The following CNTNAP2 variants were observed in gnomAD, a reference collection of about 807,000 sequenced individuals.
The protein encoded by CNTNAP2 is contactin-associated protein-like 2.
In CNTNAP2, 98 loss-of-function variants were observed where a neutral mutation model predicts 155.2. The ratio of observed to expected loss-of-function variants is 0.63; its 90% CI spans 0.54 to 0.75. The LOEUF (loss-of-function observed/expected upper bound fraction) is 0.75. CNTNAP2 is among the 30% of genes least tolerant of loss of function. CNTNAP2 has a pLI of 0.00. For synonymous variants in CNTNAP2, 651 were observed against 631.2 expected, an observed-to-expected ratio of 1.03 and a Z score of -0.47; for missense variants, 1,727 against 1,688.1, an observed-to-expected ratio of 1.02 and a Z score of -0.40.
intron 1 of CNTNAP2, among the ~76,000 whole-genome samples, chr7:146,353,628 A>G (rs1794954586): frequency 6.6e-6 from 1 of 152,140 alleles, no homozygotes; most frequent in Non-Finnish European, 1.5e-5. Flanking sequence ...CAAATCTACT[A>G]AGGTAGTTTG....
chr7:148,389,870 A>AT (rs1799307382), intron 22 of CNTNAP2: 1 of 152,012 alleles, frequency 6.6e-6, no homozygotes, highest in Non-Finnish European at 1.5e-5. Context: ...CTTCATGGTT[A>AT]TTTTTTAAAA....
chr7:146,540,875 A>G (rs567445921), intron 1 of CNTNAP2, among the ~76,000 whole-genome samples: 14 of 152,132 alleles, frequency 9.2e-5, no homozygotes, highest in Middle Eastern at 3.4e-3. Context: ...TGCATATCCT[A>G]TTGGTGAATA....
chr7:146,645,193 C>G (rs1799790047), intron 1 of CNTNAP2, among the ~76,000 whole-genome samples: 1 of 152,170 alleles, frequency 6.6e-6, no homozygotes, highest in Non-Finnish European at 1.5e-5. Flanking sequence ...ATTTGCTCTT[C>G]TATCTCATTT....
chr7:146,913,272 T>C (rs1236752948), intron 3 of CNTNAP2, among the ~76,000 whole-genome samples: 1 of 152,116 alleles, frequency 6.6e-6, no homozygotes, highest in East Asian at 1.9e-4. Flanking sequence ...GCTGCGAATA[T>C]GGAAAGAGGA....
intron 21 of CNTNAP2, among the ~76,000 whole-genome samples, chr7:148,331,805 G>GATGGAA (rs1182206243): frequency 4.6e-5 from 7 of 152,008 alleles, no homozygotes; most frequent in Admixed American, 1.3e-4. Context: ...GGATAGAATG[G>GATGGAA]CCTCCTCTTT....
chr7:147,347,486 ATATATGCATATATATG>A (rs1795896963), intron 9 of CNTNAP2, among the ~76,000 whole-genome samples: 1 of 78,336 alleles, frequency 1.3e-5, no homozygotes, highest in Non-Finnish European at 3.2e-5. Flanking sequence ...GCATATATAT[ATATATGCATATATATG>A]TGTGTGTGTG....
At chr7:147,064,007 A>G (rs1357972285) in intron 4 of CNTNAP2, among the ~76,000 whole-genome samples, 1 of 152,170 alleles carries the variant, frequency 6.6e-6, no homozygotes, top group Non-Finnish European at 1.5e-5. Flanking sequence ...ATGGAAAGAA[A>G]TAGGGACAAC....
chr7:147,939,512 A>G (rs1414715740), intron 14 of CNTNAP2, among the ~76,000 whole-genome samples: 4 of 152,032 alleles, frequency 2.6e-5, no homozygotes, highest in Admixed American at 6.6e-5. Flanking sequence ...TATTTTTAGT[A>G]GAGATGGGGT....
At chr7:147,254,128 C>A (rs759794497) in intron 8 of CNTNAP2, among the ~76,000 whole-genome samples, 3 of 152,082 alleles carry the variant, frequency 2.0e-5, no homozygotes, top group Admixed American at 6.5e-5. Flanking sequence ...CTCCACAGGG[C>A]CTGTCTGTGA....
chr7:146,775,927 C>T (rs1802382643), intron 2 of CNTNAP2, among the ~76,000 whole-genome samples: 1 of 151,966 alleles, frequency 6.6e-6, no homozygotes, highest in Non-Finnish European at 1.5e-5. Context: ...TATAAATTAG[C>T]TCATTTTTAT....
chr7:146,350,438 T>C (rs1449442099), intron 1 of CNTNAP2, among the ~76,000 whole-genome samples: 1 of 152,154 alleles, frequency 6.6e-6, no homozygotes, highest in African/African-American at 2.4e-5. Context: ...ATGCTCATCA[T>C]CACTGTCCAT....
At chr7:148,243,870 G>A (rs771055677) in intron 20 of CNTNAP2, among the ~76,000 whole-genome samples, 1 of 152,132 alleles carries the variant, frequency 6.6e-6, no homozygotes, top group Admixed American at 6.5e-5. Context: ...GGGGACTGTA[G>A]ACTGAGGCCT....
rs547398704 is a variant in CNTNAP2, at chr7:146,382,643, G to A, written c.97+265670G>A. Among the ~76,000 whole-genome samples the A allele has an allele frequency of 5.3e-5, 8 of 152,152 alleles. No individual in the cohort carries two copies. The South Asian group carries it at 1.7e-3, about 32-fold the overall frequency. On this transcript the variant is annotated intron_variant, in intron 1 of 23. Transcript: ENST00000361727. ...CATTTAAAAATTTTGACACCAACCT[G>A]ACCATGGAGATGCATAGAATTCTGT...
At chr7:146,244,743 A>G (rs943350113) in intron 1 of CNTNAP2, among the ~76,000 whole-genome samples, 1 of 152,144 alleles carries the variant, frequency 6.6e-6, no homozygotes. Flanking sequence ...TGGGAAGGCT[A>G]AACTGAGGAG....
At chr7:146,964,630 T>G (rs563458380) in intron 3 of CNTNAP2, among the ~76,000 whole-genome samples, 1 of 152,346 alleles carries the variant, frequency 6.6e-6, no homozygotes, top group South Asian at 2.1e-4. Context: ...TCCATGAGTG[T>G]AGAAATAGTT....
chr7:146,625,313 T>G (rs547096045), intron 1 of CNTNAP2, among the ~76,000 whole-genome samples: 1 of 151,624 alleles, frequency 6.6e-6, no homozygotes, highest in Non-Finnish European at 1.5e-5. Context: ...TTTGAAGGGA[T>G]AGAGATGCAT....
chr7:147,350,878 T>C (rs1157254657), intron 9 of CNTNAP2, among the ~76,000 whole-genome samples: 3 of 151,926 alleles, frequency 2.0e-5, no homozygotes, highest in Non-Finnish European at 4.4e-5. Flanking sequence ...TTCAGGTTTA[T>C]AAATTGACCT....
intron 11 of CNTNAP2, among the ~76,000 whole-genome samples, chr7:147,537,832 T>A (rs972559858): frequency 2.0e-5 from 3 of 152,236 alleles, no homozygotes; most frequent in African/African-American, 7.2e-5. Context: ...AATGGATCTA[T>A]GTAAAATGTG....
intron 8 of CNTNAP2, among the ~76,000 whole-genome samples, chr7:147,263,171 A>G (rs1014596902): frequency 2.6e-5 from 4 of 152,130 alleles, no homozygotes; most frequent in South Asian, 2.1e-4. Flanking sequence ...ATATGGCAAA[A>G]CCTCATCTCT....
Sources: allele counts gnomAD v4.1 joint callset (sites outside exome capture counted in the v4.1 genomes callset), GRCh38; gene constraint gnomAD v4.1.1; transcripts MANE v1.5; gene names NCBI Gene and HGNC (gene_info 2026-07-23, HGNC 2026-07-21).